DCLK1: variants seen among roughly 807,000 people sequenced by gnomAD.
DCLK1 encodes the protein serine/threonine-protein kinase DCLK1.
DCLK1 carries 16 observed loss-of-function variants against 86.2 expected under a neutral mutation model. That is an observed-to-expected ratio of 0.19 (90% CI 0.13 to 0.28). The LOEUF is 0.28. Ranked by LOEUF, DCLK1 falls within the 10% of genes least tolerant of loss-of-function variation. The pLI is 1.00. For synonymous variants in DCLK1, 369 were observed against 370.5 expected (o/e 1.00, Z 0.05); for missense variants, 590 against 940.2 (o/e 0.63, Z 4.87).
At chr13:35,903,146 A>C (rs899860529) in intron 4 of DCLK1, among the ~76,000 whole-genome samples, 3 of 152,140 alleles carry the variant, frequency 2.0e-5, no homozygotes, top group Admixed American at 6.5e-5. Context: ...AATCAAAACA[A>C]GATGTTTTGA....
chr13:36,050,625 C>T (rs77719200), intron 3 of DCLK1, among the ~76,000 whole-genome samples: 3,149 of 152,190 alleles, frequency 0.021, 37 homozygotes, highest in South Asian at 0.031. Context: ...TTATTTCATT[C>T]GTTTTTTAAA....
chr13:35,968,581 T>C (rs999975254), intron 3 of DCLK1, among the ~76,000 whole-genome samples: 5 of 152,080 alleles, frequency 3.3e-5, no homozygotes, highest in African/African-American at 9.7e-5. Context: ...AATACAACAA[T>C]AGCATTATAT....
intron 15 of DCLK1, among the ~76,000 whole-genome samples, chr13:35,803,308 A>G (rs1317152463): frequency 6.6e-6 from 1 of 152,160 alleles, no homozygotes; most frequent in Non-Finnish European, 1.5e-5. Flanking sequence ...ATAGAAAAGG[A>G]TAACTTTTGC....
At chr13:35,920,730 G>A (rs1389843490) in intron 4 of DCLK1, among the ~76,000 whole-genome samples, 2 of 152,118 alleles carry the variant, frequency 1.3e-5, no homozygotes, top group Non-Finnish European at 2.9e-5. Context: ...AGGAACCGGG[G>A]TGGGAGGTGC....
intron 8 of DCLK1, among the ~76,000 whole-genome samples, chr13:35,830,554 G>A (rs79824960): frequency 0.018 from 2,807 of 152,180 alleles, 33 homozygotes; most frequent in Non-Finnish European, 0.027. Context: ...ATACTTAATC[G>A]AGGAAAACTA....
chr13:36,045,338 A>ATC (rs1882856101), intron 3 of DCLK1, among the ~76,000 whole-genome samples: 8 of 78,582 alleles, frequency 1.0e-4, no homozygotes, highest in East Asian at 8.8e-4. Flanking sequence ...GTGTGTATAT[A>ATC]TATATATATA....
At chr13:35,781,321 C>T (rs1450958648) in intron 16 of DCLK1, among the ~76,000 whole-genome samples, 1 of 152,174 alleles carries the variant, frequency 6.6e-6, no homozygotes, top group African/African-American at 2.4e-5. Flanking sequence ...GTTTTCTAAC[C>T]ACATCGAGCC....
intron 11 of DCLK1, among the ~76,000 whole-genome samples, chr13:35,814,846 C>T (rs549399139): frequency 6.6e-6 from 1 of 152,288 alleles, no homozygotes; most frequent in African/African-American, 2.4e-5. Flanking sequence ...TAATTGTGGG[C>T]TGCCATATGT....
At chr13:35,999,689 A>G (rs925739164) in intron 3 of DCLK1, among the ~76,000 whole-genome samples, 3 of 152,212 alleles carry the variant, frequency 2.0e-5, no homozygotes, top group Admixed American at 2.0e-4. Flanking sequence ...GAATTTAAAA[A>G]TAGCAATATT....
intron 3 of DCLK1, among the ~76,000 whole-genome samples, chr13:36,105,013 T>C (rs1885339788): frequency 1.3e-5 from 2 of 152,170 alleles, no homozygotes; most frequent in African/African-American, 4.8e-5. Context: ...TTTATATACA[T>C]ATTTTGTCAA....
chr13:35,934,980 A>G (rs1171721937), intron 4 of DCLK1, among the ~76,000 whole-genome samples: 1 of 152,172 alleles, frequency 6.6e-6, no homozygotes, highest in Non-Finnish European at 1.5e-5. Flanking sequence ...AGAATGAGAA[A>G]TCAGTAACTG....
At chr13:36,070,587 G>T (rs7330329) in intron 3 of DCLK1, among the ~76,000 whole-genome samples, 39,968 of 151,808 alleles carry the variant, frequency 0.26, 5,605 homozygotes, top group East Asian at 0.52. Flanking sequence ...TTCACTTTTG[G>T]TTTTTACCAG....
chr13:35,980,248 G>C (rs565266142), intron 3 of DCLK1, among the ~76,000 whole-genome samples: 1 of 152,270 alleles, frequency 6.6e-6, no homozygotes, highest in East Asian at 1.9e-4. Context: ...TTGAGCTCAG[G>C]AGTTTGAGAC....
intron 6 of DCLK1, chr13:35,846,195 T>C (rs1335236454): frequency 1.0e-6 from 1 of 985,226 alleles, no homozygotes; most frequent in Non-Finnish European, 1.2e-6. Flanking sequence ...TCCAATCAAC[T>C]GAAACTGTGA....
chr13:35,824,905 C>G (rs1026332976), intron 10 of DCLK1, among the ~76,000 whole-genome samples: 1 of 152,160 alleles, frequency 6.6e-6, no homozygotes, highest in African/African-American at 2.4e-5. Flanking sequence ...TCAAGCCTGT[C>G]CTCATGACAG....
At chr13:35,908,935 C>T (rs910722420) in intron 4 of DCLK1, among the ~76,000 whole-genome samples, 2 of 152,146 alleles carry the variant, frequency 1.3e-5, no homozygotes, top group Non-Finnish European at 2.9e-5. Context: ...CACATCTGGC[C>T]GATTCATACT....
intron 4 of DCLK1, among the ~76,000 whole-genome samples, chr13:35,921,596 G>A (rs2153127025): frequency 6.6e-6 from 1 of 152,230 alleles, no homozygotes; most frequent in East Asian, 1.9e-4. Flanking sequence ...TCTCACATGA[G>A]ACCTTAAGGT....
chr13:35,810,491 G>C (rs944508006), intron 12 of DCLK1, among the ~76,000 whole-genome samples: 40 of 152,154 alleles, frequency 2.6e-4, no homozygotes, highest in African/African-American at 8.9e-4. Flanking sequence ...CACCGCACAC[G>C]GCAGTGTCTG....
At chr13:35,825,602 A>G (rs996971917) in intron 10 of DCLK1, among the ~76,000 whole-genome samples, 3 of 152,164 alleles carry the variant, frequency 2.0e-5, no homozygotes, top group Non-Finnish European at 2.9e-5. Flanking sequence ...GGGTAAGTCA[A>G]TAATAACGGG....
Sources: allele counts gnomAD v4.1 joint callset (sites outside exome capture counted in the v4.1 genomes callset), GRCh38; gene constraint gnomAD v4.1.1; transcripts MANE v1.5; gene names NCBI Gene and HGNC (gene_info 2026-07-23, HGNC 2026-07-21).